Variants in DNER observed in about 807,000 individuals in gnomAD.
The protein encoded by DNER is delta/notch like EGF repeat containing.
A neutral mutation model predicts 78.2 loss-of-function variants in DNER; 33 were observed. That is an observed-to-expected ratio of 0.42 (90% confidence interval 0.32 to 0.56). DNER has a LOEUF of 0.56. Among genes scored for constraint, DNER ranks in the 20% least tolerant of loss-of-function variants. The probability of loss-of-function intolerance (pLI) is 0.11; values close to 1 mark genes in which losing one functional copy is unlikely to be tolerated. For missense variants in DNER, 918 were observed against 975.3 expected, an observed-to-expected ratio of 0.94 and a Z score of 0.78; for synonymous variants, 417 against 384.8, an observed-to-expected ratio of 1.08 and a Z score of -0.98.
At position 229,416,311 on chromosome 2, in the gene DNER, ATTTTTG is replaced by A. The variant is rs370512500; in HGVS notation, c.1609+1791_1609+1796del. 2.8e-3 allele frequency among the ~76,000 whole-genome samples: 429 copies of A among 152,110 alleles called. 3 individuals are homozygous for A. Among genetic ancestry groups the A allele is most frequent in the African/African-American group, 9.7e-3 (401 of 41,502 alleles). ...TTGAGTGTTTAGAGCTGTTGTTGCAATTTTTGTTTTTATTTCCCAAAACTTTTCTCC... is the reference window on the plus strand; with the variant it reads ...TTGAGTGTTTAGAGCTGTTGTTGCAATTTTTATTTCCCAAAACTTTTCTCC... On this transcript the variant is annotated intron_variant, in intron 9 of 12. Coordinates refer to ENST00000341772, the MANE Select transcript of DNER (RefSeq NM_139072.4).
chr2:229,637,497 A>G (rs1574938457), intron 1 of DNER, among the ~76,000 whole-genome samples: 1 of 152,198 alleles, frequency 6.6e-6, no homozygotes, highest in Non-Finnish European at 1.5e-5. Flanking sequence ...AGCAAAGGTA[A>G]TGCATACTCA....
chr2:229,409,600 C>T (rs374743216), intron 9 of DNER, among the ~76,000 whole-genome samples: 2 of 152,162 alleles, frequency 1.3e-5, no homozygotes, highest in South Asian at 4.1e-4. Flanking sequence ...CAATTTCAAT[C>T]TTTTGGGTGT....
intron 11 of DNER, among the ~76,000 whole-genome samples, chr2:229,370,401 G>A (rs991882327): frequency 6.6e-6 from 1 of 152,160 alleles, no homozygotes; most frequent in African/African-American, 2.4e-5. Context: ...AGCTCATAAG[G>A]CCCACGGAGC....
At chr2:229,559,104 G>C (rs144125178) in intron 4 of DNER, among the ~76,000 whole-genome samples, 1 of 152,190 alleles carries the variant, frequency 6.6e-6, no homozygotes, top group Non-Finnish European at 1.5e-5. Flanking sequence ...TTTGTGGGGG[G>C]TGTGGTGGTA....
intron 1 of DNER, among the ~76,000 whole-genome samples, chr2:229,594,936 G>A (rs771684379): frequency 1.1e-4 from 14 of 129,480 alleles, no homozygotes; most frequent in Non-Finnish European, 1.6e-4. Context: ...ACCAGGTCTC[G>A]GTATAAAATG....
intron 5 of DNER, among the ~76,000 whole-genome samples, chr2:229,528,661 C>T (rs1243339597): frequency 1.3e-5 from 2 of 152,192 alleles, no homozygotes; most frequent in Admixed American, 6.5e-5. Context: ...GAAGCCCATG[C>T]TGACATCACC....
chr2:229,401,897 T>A (rs893090163), intron 10 of DNER, among the ~76,000 whole-genome samples: 6 of 152,122 alleles, frequency 3.9e-5, no homozygotes, highest in Non-Finnish European at 7.4e-5. Flanking sequence ...AATGTAGCAA[T>A]GAAATCCAAT....
intron 1 of DNER, among the ~76,000 whole-genome samples, chr2:229,653,145 C>T (rs774756188): frequency 1.2e-4 from 18 of 152,342 alleles, no homozygotes; most frequent in Non-Finnish European, 2.4e-4. Flanking sequence ...TCCAAGCTTT[C>T]TTTTCATGTG....
At position 229,713,967 on chromosome 2, in the gene DNER, G is replaced by A. The variant is rs570512628; in HGVS notation, c.276+181C>T. 5.9e-5 allele frequency among the ~76,000 whole-genome samples: 9 copies of A among 152,274 alleles called. No individual in the cohort carries two copies. In the East Asian group the frequency reaches 1.7e-3, roughly 30 times the overall value. ...CGCCCGGGAACCAGGGCGGGTAAGG[G>A]AATCAGGGTCGGCCCGGGGGTCCGC... On this transcript the variant is annotated intron_variant, in intron 1 of 12. Coordinates refer to ENST00000341772, the MANE Select transcript of DNER (RefSeq NM_139072.4).
intron 10 of DNER, among the ~76,000 whole-genome samples, chr2:229,393,844 C>A (rs1172761565): frequency 6.6e-6 from 1 of 150,818 alleles, no homozygotes; most frequent in Non-Finnish European, 1.5e-5. Context: ...GAGACTCCGT[C>A]TCAAAACAAA....
At chr2:229,413,405 C>T (rs1240319544) in intron 9 of DNER, among the ~76,000 whole-genome samples, 1 of 143,710 alleles carries the variant, frequency 7.0e-6, no homozygotes, top group African/African-American at 2.6e-5. Flanking sequence ...TCACTGCAAT[C>T]TCCGCCTCCC....
At chr2:229,613,871 G>A (rs1698097314) in intron 1 of DNER, among the ~76,000 whole-genome samples, 1 of 151,878 alleles carries the variant, frequency 6.6e-6, no homozygotes, top group South Asian at 2.1e-4. Context: ...CATAACTGTT[G>A]AGTTTTAAAT....
chr2:229,517,515 G>T (rs1182488880), intron 5 of DNER, among the ~76,000 whole-genome samples: 1 of 152,198 alleles, frequency 6.6e-6, no homozygotes, highest in Non-Finnish European at 1.5e-5. Flanking sequence ...GGTATTCCAG[G>T]TGAGGGGAAC....
intron 1 of DNER, among the ~76,000 whole-genome samples, chr2:229,675,408 T>G (rs912824084): frequency 2.0e-5 from 3 of 152,202 alleles, no homozygotes; most frequent in Non-Finnish European, 4.4e-5. Flanking sequence ...GGGCTTGCAT[T>G]TATTTTGATT....
chr2:229,518,674 G>A (rs73998261), intron 5 of DNER, among the ~76,000 whole-genome samples: 106 of 152,272 alleles, frequency 7.0e-4, no homozygotes, highest in African/African-American at 2.4e-3. Flanking sequence ...ATCTTGGACC[G>A]TATTCTCTTG....
chr2:229,687,072 C>A (rs1699494937), intron 1 of DNER, among the ~76,000 whole-genome samples: 1 of 151,954 alleles, frequency 6.6e-6, no homozygotes, highest in African/African-American at 2.4e-5. Context: ...CTTCTTTTTT[C>A]TTTTCATATA....
intron 4 of DNER, among the ~76,000 whole-genome samples, chr2:229,571,473 G>T (rs189973779): frequency 8.6e-5 from 13 of 151,836 alleles, no homozygotes; most frequent in South Asian, 4.2e-4. Flanking sequence ...CTCAACACTC[G>T]CGTTTACCCA....
At chr2:229,496,883 TAG>T (rs1187039025) in intron 6 of DNER, among the ~76,000 whole-genome samples, 4 of 152,086 alleles carry the variant, frequency 2.6e-5, no homozygotes, top group Non-Finnish European at 5.9e-5. Flanking sequence ...CTTTCAAAAA[TAG>T]AGAGACTATA....
At chr2:229,380,146 T>C (rs754603480) in intron 11 of DNER, among the ~76,000 whole-genome samples, 2 of 152,238 alleles carry the variant, frequency 1.3e-5, no homozygotes, top group Admixed American at 6.5e-5. Context: ...GTTGGTCAAG[T>C]TGATGTCAGA....
Sources: allele counts gnomAD v4.1 joint callset (sites outside exome capture counted in the v4.1 genomes callset), GRCh38; gene constraint gnomAD v4.1.1; transcripts MANE v1.5; gene names NCBI Gene and HGNC (gene_info 2026-07-23, HGNC 2026-07-21).